The following MEI4 variants were observed in gnomAD, a reference collection of about 807,000 sequenced individuals.
MEI4 encodes the protein meiotic double-stranded break formation protein 4.
MEI4 carries 27 observed loss-of-function variants against 31.4 expected under a neutral mutation model. The observed-to-expected ratio is 0.86, with a 90% CI of 0.63 to 1.19. MEI4 has a LOEUF of 1.19. MEI4 is among the 50% of genes most tolerant of loss of function. The pLI is 0.00. For synonymous variants in MEI4, 122 were observed against 145.4 expected (o/e 0.84, Z 1.16); for missense variants, 329 against 398.9 (o/e 0.82, Z 1.49).
intron 1 of MEI4, among the ~76,000 whole-genome samples, chr6:77,660,522 C>T (rs924012952): frequency 1.3e-5 from 2 of 150,552 alleles, no homozygotes; most frequent in African/African-American, 2.4e-5. Context: ...GGAGTATGAC[C>T]GGACAGAAGA....
intron 1 of MEI4, among the ~76,000 whole-genome samples, chr6:77,662,561 T>C (rs1424584144): frequency 1.3e-5 from 2 of 152,186 alleles, no homozygotes; most frequent in African/African-American, 4.8e-5. Context: ...TTGGAAATTA[T>C]GAGAGCTGTA....
At chr6:77,864,194 A>G (rs1280437530) in intron 4 of MEI4, among the ~76,000 whole-genome samples, 2 of 152,212 alleles carry the variant, frequency 1.3e-5, no homozygotes. Flanking sequence ...ATAACCAGCT[A>G]ACGTCATAAT....
At position 77,704,180 on chromosome 6, in the gene MEI4, T is replaced by C. The variant is rs1252749822; in HGVS notation, c.232+13277T>C. Among the ~76,000 whole-genome samples the C allele has an allele frequency of 3.3e-5, 5 of 152,344 alleles. No homozygotes were observed. In the South Asian group the frequency reaches 1.0e-3, roughly 32 times the overall value. ...GTAGGAGAAGGTGCCCCTTTATCTT[T>C]GTTTTTGCTGAGTTCATTTCTGACA... On this transcript the variant is annotated intron_variant, in intron 2 of 4. Coordinates refer to ENST00000684080, the MANE Select transcript of MEI4 (RefSeq NM_001322247.2).
intron 4 of MEI4, among the ~76,000 whole-genome samples, chr6:77,863,593 A>G (rs1240275927): frequency 6.6e-6 from 1 of 152,208 alleles, no homozygotes; most frequent in Non-Finnish European, 1.5e-5. Context: ...GAAAAGACCA[A>G]ATCTACGTCT....
At chr6:77,652,345 G>A (rs188319617), upstream of MEI4, among the ~76,000 whole-genome samples, 2 of 152,330 alleles carry the variant, frequency 1.3e-5, no homozygotes, top group East Asian at 3.9e-4. Context: ...GTGCTCGTCA[G>A]GGTCAAATAC....
intron 1 of MEI4, among the ~76,000 whole-genome samples, chr6:77,655,565 A>G (rs1043314974): frequency 1.3e-5 from 2 of 152,158 alleles, no homozygotes; most frequent in Non-Finnish European, 2.9e-5. Context: ...TATCAGACTT[A>G]TATATATTTC....
At chr6:77,756,599 C>G (rs549367724) in intron 2 of MEI4, among the ~76,000 whole-genome samples, 2 of 150,618 alleles carry the variant, frequency 1.3e-5, no homozygotes, top group Non-Finnish European at 3.0e-5. Flanking sequence ...TTCTCTCTTT[C>G]TCTCCCTCCC....
intron 1 of MEI4, among the ~76,000 whole-genome samples, chr6:77,684,811 C>T (rs774703679): frequency 5.3e-5 from 8 of 152,052 alleles, no homozygotes; most frequent in South Asian, 2.1e-4. Context: ...TGCTACAACA[C>T]GTACAGTGCA....
At chr6:77,744,565 A>T (rs1189212848) in intron 2 of MEI4, among the ~76,000 whole-genome samples, 2 of 152,210 alleles carry the variant, frequency 1.3e-5, no homozygotes, top group Non-Finnish European at 2.9e-5. Context: ...ATCCAGGAGA[A>T]CTTCCCCAAT....
chr6:77,770,277 A>T (rs1463866640), intron 3 of MEI4, among the ~76,000 whole-genome samples: 1 of 152,196 alleles, frequency 6.6e-6, no homozygotes, highest in African/African-American at 2.4e-5. Context: ...ACCATGAAGA[A>T]ATTTAAAGCC....
chr6:77,812,413 G>C (rs9350732), intron 3 of MEI4, among the ~76,000 whole-genome samples: 20,917 of 152,020 alleles, frequency 0.14, 1,528 homozygotes, highest in Middle Eastern at 0.21. Flanking sequence ...TGATGTTGAT[G>C]ATTATTATTG....
chr6:77,678,594 C>T (rs901804069), intron 1 of MEI4, among the ~76,000 whole-genome samples: 3 of 79,680 alleles, frequency 3.8e-5, no homozygotes, highest in African/African-American at 1.7e-4. Flanking sequence ...CATGCACTTC[C>T]AGTCATGTAC....
At chr6:77,789,603 C>G (rs1255142196) in intron 3 of MEI4, among the ~76,000 whole-genome samples, 1 of 152,134 alleles carries the variant, frequency 6.6e-6, no homozygotes, top group Admixed American at 6.5e-5. Flanking sequence ...AGGACATGAA[C>G]AGACACTTCT....
chr6:77,816,829 C>T (rs540059737), intron 3 of MEI4, among the ~76,000 whole-genome samples: 146 of 152,252 alleles, frequency 9.6e-4, no homozygotes, highest in Admixed American at 2.5e-3. Context: ...TTCTAAAGAA[C>T]ATAATTCAGC....
chr6:77,766,206 T>C (rs1450683235), intron 3 of MEI4, among the ~76,000 whole-genome samples: 5 of 152,186 alleles, frequency 3.3e-5, no homozygotes. Context: ...CTTTTAAATT[T>C]AACTATTTGA....
chr6:77,872,452 C>T (rs1212805900), intron 4 of MEI4, among the ~76,000 whole-genome samples: 1 of 151,936 alleles, frequency 6.6e-6, no homozygotes, highest in Non-Finnish European at 1.5e-5. Context: ...CAAAACCCAG[C>T]CTCTAAAAAT....
chr6:77,742,051 G>A (rs918703272), intron 2 of MEI4, among the ~76,000 whole-genome samples: 1 of 151,918 alleles, frequency 6.6e-6, no homozygotes, highest in Admixed American at 6.6e-5. Context: ...CCAAGTCTTT[G>A]CTATTGTGAA....
intron 1 of MEI4, among the ~76,000 whole-genome samples, chr6:77,683,398 T>C (rs1392359073): frequency 6.6e-6 from 1 of 152,166 alleles, no homozygotes. Flanking sequence ...ATATACTTAT[T>C]TTTTGTGCGT....
At chr6:77,768,473 GT>G (rs1232652041) in intron 3 of MEI4, among the ~76,000 whole-genome samples, 1 of 152,116 alleles carries the variant, frequency 6.6e-6, no homozygotes, top group Non-Finnish European at 1.5e-5. Flanking sequence ...GCTGAGGTGG[GT>G]AGATCACCTG....
Sources: allele counts gnomAD v4.1 joint callset (sites outside exome capture counted in the v4.1 genomes callset), GRCh38; gene constraint gnomAD v4.1.1; transcripts MANE v1.5; gene names NCBI Gene and HGNC (gene_info 2026-07-23, HGNC 2026-07-21).